Variants in LRRC3C observed in about 807,000 individuals in gnomAD.
LRRC3C encodes the protein leucine rich repeat containing 3C.
LRRC3C carries 11 observed loss-of-function variants against 14.8 expected under a neutral mutation model. That is an observed-to-expected ratio of 0.74 (90% CI 0.47 to 1.23). The LOEUF (loss-of-function observed/expected upper bound fraction) is 1.23. Among genes scored for constraint, LRRC3C ranks in the 50% most tolerant of loss-of-function variants. The probability of loss-of-function intolerance (pLI) is 0.00; values close to 1 mark genes in which losing one functional copy is unlikely to be tolerated. For synonymous variants in LRRC3C, 149 were observed against 161.5 expected (o/e 0.92, Z 0.59); for missense variants, 354 against 361.8 (o/e 0.98, Z 0.18).
intron 1 of LRRC3C, among the ~76,000 whole-genome samples, chr17:39,928,478 A>G (rs1186951317): frequency 1.3e-5 from 2 of 152,202 alleles, no homozygotes; most frequent in Admixed American, 1.3e-4. Context: ...AACCCAAAAG[A>G]ATGTATGTAA....
chr17:39,941,481 T>C lies in LRRC3C; in HGVS notation c.-43T>C. 1 of 1,527,898 alleles carries C rather than the reference T, an allele frequency of 6.5e-7. No individual in the cohort carries two copies. Among genetic ancestry groups the C allele is most frequent in the South Asian group, 1.2e-5 (1 of 83,870 alleles). The allele number at this position is 1,527,898 out of a possible 1,614,324, so 94.6% of individuals were successfully genotyped here. A position where few individuals can be genotyped will look rare whatever the true frequency, so the allele number is the denominator to read the frequency against. On this transcript the variant is annotated 5_prime_UTR_variant, in exon 3 of 4. Transcript: ENST00000377924. ...TGTCCAGTCCTGGTCACCCATAGTCTTCCAAAATCCAGCAAGAAAAATCCT... is the reference window on the plus strand; with the variant it reads ...TGTCCAGTCCTGGTCACCCATAGTCCTCCAAAATCCAGCAAGAAAAATCCT...
At chr17:39,930,307 AAG>A (rs1978611513) in intron 1 of LRRC3C, among the ~76,000 whole-genome samples, 1 of 149,552 alleles carries the variant, frequency 6.7e-6, no homozygotes, top group African/African-American at 2.5e-5. Flanking sequence ...AAGGAAAAAA[AAG>A]AGGGGGAGAG....
intron 1 of LRRC3C, among the ~76,000 whole-genome samples, chr17:39,931,083 A>T (rs1250051699): frequency 6.6e-6 from 1 of 151,544 alleles, no homozygotes; most frequent in Non-Finnish European, 1.5e-5. Context: ...TGGAGGATGC[A>T]GTGAGCCGAG....
At chr17:39,942,022 A>T (rs1459842209) in intron 3 of LRRC3C, among the ~76,000 whole-genome samples, 1 of 152,140 alleles carries the variant, frequency 6.6e-6, no homozygotes, top group East Asian at 1.9e-4. Flanking sequence ...GGGCTAAGGA[A>T]TGAGATGGGT....
intron 1 of LRRC3C, 83 bp downstream of exon 1, chr17:39,927,897 G>A (rs527282255): frequency 1.2e-3 from 1,179 of 980,408 alleles, no homozygotes; most frequent in Non-Finnish European, 1.3e-3. Context: ...AGGAGACTCG[G>A]ACTTGTAAGT....
Position 39,933,163 on chromosome 17 carries a change from C to T in LRRC3C, c.-174-2639C>T, listed in dbSNP as rs535922085. Among the ~76,000 whole-genome samples the T allele has an allele frequency of 3.9e-5, 6 of 152,264 alleles. No homozygotes were observed. The South Asian group carries it at 6.2e-4, about 16-fold the overall frequency. On this transcript the variant is annotated intron_variant, in intron 1 of 3. Coordinates refer to ENST00000377924, the MANE Select transcript of LRRC3C (RefSeq NM_001195545.2). Reference sequence around the variant, plus strand: ...TTTCATTCTCTAGTTTCAAACTTCACGTAATGTGGTATTACTTTTAAATTT... The same window carrying T: ...TTTCATTCTCTAGTTTCAAACTTCATGTAATGTGGTATTACTTTTAAATTT...
At chr17:39,943,341 A>G (rs898345952) in intron 3 of LRRC3C, among the ~76,000 whole-genome samples, 3 of 152,094 alleles carry the variant, frequency 2.0e-5, no homozygotes, top group African/African-American at 7.2e-5. Context: ...AGGAGGAGGG[A>G]GGAAGTACAG....
At position 39,944,838 on chromosome 17, in the gene LRRC3C, A is replaced by G; in HGVS notation, c.*104A>G. 1.0e-6 allele frequency: 1 copy of G among 978,610 alleles called. No homozygotes were observed. Among genetic ancestry groups the G allele is most frequent in the Admixed American group, 2.4e-5 (1 of 41,190 alleles). The allele number at this position is 978,610 out of a possible 1,614,324, so 60.6% of individuals were successfully genotyped here. On this transcript the variant is annotated 3_prime_UTR_variant, in exon 4 of 4. Transcript: ENST00000377924. Reference sequence around the variant, plus strand: ...CTGTGCAGCTTCACCCCTGCCCCCAAGCCCATCCCACCCCTCCCTCCTTTA... The same window carrying G: ...CTGTGCAGCTTCACCCCTGCCCCCAGGCCCATCCCACCCCTCCCTCCTTTA...
chr17:39,944,441 C>G lies in LRRC3C; in HGVS notation c.535C>G (p.Pro179Ala). Reference protein sequence around the residue: ...QEVLRQVRLVPGTGTGIVCGS... With the variant: ...QEVLRQVRLVAGTGTGIVCGS... The stretch of plus-strand genomic sequence containing the variant: ...AGTGCTCCGGCAGGTGAGGCTGGTG[C>G]CGGGCACTGGGACAGGCATCGTGTG... The change falls in exon 4 of 4, where the codon CCG becomes GCG. Residue 179 changes from proline (P) to alanine (A), a missense_variant. Transcript: ENST00000377924. The G allele has an allele frequency of 6.7e-7, 1 of 1,489,032 alleles. No individual in the cohort carries two copies. Among genetic ancestry groups the G allele is most frequent in the Non-Finnish European group, 8.9e-7 (1 of 1,121,458 alleles). The allele number at this position is 1,489,032 out of a possible 1,614,324, so 92.2% of individuals were successfully genotyped here.
At position 39,934,741 on chromosome 17, in the gene LRRC3C, A is replaced by G. The variant is rs537781142; in HGVS notation, c.-174-1061A>G. On this transcript the variant is annotated intron_variant, in intron 1 of 3. Coordinates refer to ENST00000377924, the MANE Select transcript of LRRC3C (RefSeq NM_001195545.2). ...GAATTCAGGGTGAGTCCACAGTGCA[A>G]AGTAAAAGCAAGTTTATTAAGTAAA... 8.8e-4 allele frequency: 134 copies of G among 152,332 alleles called. 1 individual carries two copies. Among genetic ancestry groups the G allele is most frequent in the African/African-American group, 3.1e-3 (129 of 41,578 alleles). The allele number at this position is 152,332 out of a possible 1,614,324, so 9.4% of individuals were successfully genotyped here.
intron 2 of LRRC3C, among the ~76,000 whole-genome samples, chr17:39,938,425 G>C (rs1978855665): frequency 6.6e-6 from 1 of 152,056 alleles, no homozygotes. Flanking sequence ...GTAGGGGCCA[G>C]GCACGGTGGC....
intron 2 of LRRC3C, among the ~76,000 whole-genome samples, chr17:39,940,616 T>A (rs1243365938): frequency 5.3e-5 from 1 of 18,780 alleles, no homozygotes; most frequent in Non-Finnish European, 1.1e-4. Flanking sequence ...TTTGGACAAT[T>A]TTTTTTTTTT....
intron 3 of LRRC3C, among the ~76,000 whole-genome samples, chr17:39,942,635 C>G (rs1215578196): frequency 6.6e-6 from 1 of 152,198 alleles, no homozygotes; most frequent in Non-Finnish European, 1.5e-5. Context: ...TGAAATTGAA[C>G]CACAGCACCC....
At chr17:39,942,779 C>A (rs1237529411) in intron 3 of LRRC3C, among the ~76,000 whole-genome samples, 1 of 152,128 alleles carries the variant, frequency 6.6e-6, no homozygotes, top group Non-Finnish European at 1.5e-5. Flanking sequence ...GAAGAATGTG[C>A]CATGGCGTGA....
Position 39,938,721 on chromosome 17 carries a change from C to T in LRRC3C, c.-81-2722C>T, listed in dbSNP as rs139825536. On this transcript the variant is annotated intron_variant, in intron 2 of 3. Transcript: ENST00000377924. Reference sequence around the variant, plus strand: ...AAAAAAAAAGGCTGGTGCACTGGCTCACACCTGTAATCCCAGCACTTTCAG... The same window carrying T: ...AAAAAAAAAGGCTGGTGCACTGGCTTACACCTGTAATCCCAGCACTTTCAG... 1.0e-3 allele frequency among the ~76,000 whole-genome samples: 153 copies of T among 152,120 alleles called. 2 individuals carry two copies. In the Middle Eastern group the frequency reaches 0.01, roughly 10 times the overall value.
intron 2 of LRRC3C, among the ~76,000 whole-genome samples, chr17:39,940,655 G>A (rs1978914135): frequency 6.6e-6 from 1 of 150,840 alleles, no homozygotes; most frequent in South Asian, 2.1e-4. Flanking sequence ...TCACTATGTT[G>A]CACAGGCCAG....
intron 3 of LRRC3C, 76 bp from the exon 4 acceptor site, chr17:39,943,857 C>T (rs1381996353): frequency 1.3e-5 from 18 of 1,439,292 alleles, no homozygotes; most frequent in Middle Eastern, 1.7e-4. Context: ...AGAGGGACCT[C>T]GGGAGGAGAA....
intron 2 of LRRC3C, 114 bp from the exon 3 acceptor site, chr17:39,941,329 C>G: frequency 2.1e-6 from 1 of 485,632 alleles, no homozygotes; most frequent in East Asian, 3.7e-5. Context: ...CCAGCCTGGG[C>G]CACAGAGTGA....
intron 1 of LRRC3C, among the ~76,000 whole-genome samples, chr17:39,928,167 C>T (rs1228124894): frequency 1.3e-5 from 2 of 152,262 alleles, no homozygotes; most frequent in Non-Finnish European, 2.9e-5. Flanking sequence ...GCCCAGGCTG[C>T]CCCGGACCGG....
Sources: gnomAD v4.1 joint callset for allele counts (sites outside exome capture counted in the v4.1 genomes callset) on GRCh38, gnomAD v4.1.1 for gene constraint, MANE v1.5 for transcripts, NCBI Gene and HGNC (gene_info 2026-07-23, HGNC 2026-07-21) for gene names.